CFDP1: variants seen among roughly 807,000 people sequenced by gnomAD.
CFDP1 encodes the protein heterochromatin-stabilizing protein CFDP1.
Under a neutral mutation model 40.1 loss-of-function variants are expected in CFDP1, and 31 were observed. The ratio of observed to expected loss-of-function variants is 0.77; its 90% CI spans 0.58 to 1.04. CFDP1 has a LOEUF of 1.04. Among genes scored for constraint, CFDP1 ranks in the 50% least tolerant of loss-of-function variants. The pLI, the probability that CFDP1 is intolerant of heterozygous loss-of-function variation, is 0.00. For synonymous variants in CFDP1, 167 were observed against 120.0 expected (o/e 1.39, Z -2.56); for missense variants, 423 against 343.4 (o/e 1.23, Z -1.83).
chr16:75,431,256 A>C (rs531597086), intron 1 of CFDP1, among the ~76,000 whole-genome samples: 96 of 152,020 alleles, frequency 6.3e-4, no homozygotes, highest in African/African-American at 2.3e-3. Flanking sequence ...GTTTGAAACA[A>C]GCCTGGCCAA....
At position 75,379,461 on chromosome 16, in the gene CFDP1, C is replaced by A. The variant is rs183023563; in HGVS notation, c.650+15629G>T. 2.6e-5 allele frequency among the ~76,000 whole-genome samples: 4 copies of A among 152,182 alleles called. No individual in the cohort carries two copies. In the South Asian group the frequency reaches 8.3e-4, roughly 32 times the overall value. On this transcript the variant is annotated intron_variant, in intron 5 of 6. Transcript: ENST00000283882. ...CAGAATTCTACCCAAATAAATTTGG[C>A]AACATAGACTAATTCCTCAAAAAAG...
At chr16:75,350,832 G>T (rs1567653871) in intron 5 of CFDP1, among the ~76,000 whole-genome samples, 2 of 151,988 alleles carry the variant, frequency 1.3e-5, no homozygotes, top group African/African-American at 2.4e-5. Flanking sequence ...TCCAAGATAC[G>T]CAAGATAAAT....
At chr16:75,429,725 G>C (rs936820435) in intron 1 of CFDP1, among the ~76,000 whole-genome samples, 7 of 152,220 alleles carry the variant, frequency 4.6e-5, no homozygotes, top group Non-Finnish European at 8.8e-5. Context: ...AGAAGGCAAA[G>C]ACTGTTTCAG....
intron 5 of CFDP1, among the ~76,000 whole-genome samples, chr16:75,311,393 C>T (rs2078291712): frequency 1.3e-5 from 2 of 152,096 alleles, no homozygotes; most frequent in African/African-American, 4.8e-5. Flanking sequence ...CCCACTTTGG[C>T]CTCTCAAAGT....
At chr16:75,404,240 CTT>C (rs1163893409) in intron 4 of CFDP1, among the ~76,000 whole-genome samples, 6 of 142,104 alleles carry the variant, frequency 4.2e-5, no homozygotes, top group Admixed American at 7.1e-5. Context: ...TGTCATTTTT[CTT>C]TTTTTTTTTT....
intron 1 of CFDP1, among the ~76,000 whole-genome samples, chr16:75,425,926 C>G (rs1242943772): frequency 6.7e-6 from 1 of 148,222 alleles, no homozygotes; most frequent in Non-Finnish European, 1.5e-5. Flanking sequence ...ATCCCAACTA[C>G]TCGGGAAGCT....
At position 75,305,159 on chromosome 16, in the gene CFDP1, C is replaced by T. The variant is rs765517077; in HGVS notation, c.674G>A (p.Ser225Asn). The T allele has an allele frequency of 1.2e-6, 2 of 1,614,092 alleles. No individual in the cohort carries two copies. Among genetic ancestry groups the T allele is most frequent in the Admixed American group, 1.7e-5 (1 of 59,998 alleles). Reference sequence around the variant, plus strand: ...GGCACCAATTTTCCCCAAAAGGCTGCTCATGCCACTTGATCTTTTTAACCT... The same window carrying T: ...GGCACCAATTTTCCCCAAAAGGCTGTTCATGCCACTTGATCTTTTTAACCT... Reference protein sequence around the residue: ...GSGLKRSSGMSSLLGKIGAKK... With the variant: ...GSGLKRSSGMNSLLGKIGAKK... Residue 225 changes from serine (S) to asparagine (N), a missense_variant, in exon 6 of 7, where the codon AGC becomes AAC. Transcript: ENST00000283882.
chr16:75,316,628 A>G (rs1416724980), intron 5 of CFDP1, among the ~76,000 whole-genome samples: 1 of 151,466 alleles, frequency 6.6e-6, no homozygotes, highest in Non-Finnish European at 1.5e-5. Flanking sequence ...ACAAATATTC[A>G]GGAAATCCCC....
At chr16:75,412,988 A>C (rs558511446) in intron 2 of CFDP1, among the ~76,000 whole-genome samples, 2 of 152,148 alleles carry the variant, frequency 1.3e-5, no homozygotes, top group Admixed American at 1.3e-4. Context: ...AATCACTTAA[A>C]ATCAAAGTAT....
chr16:75,322,391 A>C (rs751637832), intron 5 of CFDP1, among the ~76,000 whole-genome samples: 3 of 152,222 alleles, frequency 2.0e-5, no homozygotes, highest in African/African-American at 4.8e-5. Flanking sequence ...GAAATGTGTT[A>C]GGTGATTTCA....
chr16:75,343,950 C>A (rs989557331), intron 5 of CFDP1, among the ~76,000 whole-genome samples: 3 of 152,142 alleles, frequency 2.0e-5, no homozygotes, highest in Non-Finnish European at 2.9e-5. Context: ...GAATCTCTAG[C>A]AGGGTACTCA....
chr16:75,424,502 TC>T (rs1373763210), intron 1 of CFDP1, among the ~76,000 whole-genome samples: 2 of 152,050 alleles, frequency 1.3e-5, no homozygotes, highest in Admixed American at 1.3e-4. Context: ...ACGCCTATAA[TC>T]CCAGCACTTT....
intron 6 of CFDP1, among the ~76,000 whole-genome samples, chr16:75,294,894 G>GC (rs1490672972): frequency 5.9e-5 from 9 of 152,152 alleles, no homozygotes; most frequent in African/African-American, 1.9e-4. Context: ...AAGCACAGGC[G>GC]CGCTTGCTAG....
At chr16:75,312,005 T>C (rs1369255399) in intron 5 of CFDP1, among the ~76,000 whole-genome samples, 3 of 152,300 alleles carry the variant, frequency 2.0e-5, no homozygotes, top group Admixed American at 6.5e-5. Flanking sequence ...GAAAGCAAGC[T>C]TATGAAGATA....
intron 4 of CFDP1, among the ~76,000 whole-genome samples, chr16:75,409,623 G>C (rs1330148041): frequency 6.6e-6 from 1 of 152,094 alleles, no homozygotes; most frequent in Non-Finnish European, 1.5e-5. Context: ...CTGAATATGA[G>C]AGTTATATCG....
chr16:75,302,496 C>T (rs1174581975), intron 6 of CFDP1, among the ~76,000 whole-genome samples: 1 of 152,236 alleles, frequency 6.6e-6, no homozygotes, highest in East Asian at 1.9e-4. Context: ...AGCAGTCCTC[C>T]TGCCTTGGCC....
intron 4 of CFDP1, 122 bp from the exon 5 acceptor site, chr16:75,395,331 A>T: frequency 9.7e-7 from 1 of 1,027,308 alleles, no homozygotes; most frequent in Non-Finnish European, 1.4e-6. Context: ...CTGGACGCTC[A>T]GCATTATGAT....
rs558460923 is a variant in CFDP1 at position 75,433,396 on chromosome 16, G to T, written c.-44C>A. On this transcript the variant is annotated 5_prime_UTR_variant, in exon 1 of 7. In the 5' UTR this introduces an upstream ATG that the reference lacks. Transcript: ENST00000283882. ...TGGTCAAACTCACAAGACCGCAGCAGCCGCCTCCAACGGCAAAGCTCTAGG... is the reference window on the plus strand; with the variant it reads ...TGGTCAAACTCACAAGACCGCAGCATCCGCCTCCAACGGCAAAGCTCTAGG... The T allele has an allele frequency of 2.0e-5, 31 of 1,551,838 alleles. No individual in the cohort carries two copies. The highest frequency in any genetic ancestry group is 2.5e-5 in the Non-Finnish European group (29 of 1,146,078).
intron 5 of CFDP1, among the ~76,000 whole-genome samples, chr16:75,343,597 G>A (rs2078541608): frequency 6.6e-6 from 1 of 152,210 alleles, no homozygotes; most frequent in Non-Finnish European, 1.5e-5. Flanking sequence ...AAGGCCTCAG[G>A]GCACCTGGGG....
Sources: allele counts gnomAD v4.1 joint callset (sites outside exome capture counted in the v4.1 genomes callset), GRCh38; gene constraint gnomAD v4.1.1; transcripts MANE v1.5; gene names NCBI Gene and HGNC (gene_info 2026-07-23, HGNC 2026-07-21).